MAGI2: variants seen among roughly 807,000 people sequenced by gnomAD.
MAGI2 encodes the protein membrane associated guanylate kinase, WW and PDZ domain containing 2.
A neutral mutation model predicts 133.3 loss-of-function variants in MAGI2; 35 were observed. The observed-to-expected ratio is 0.26, with a 90% CI of 0.20 to 0.35. The LOEUF (loss-of-function observed/expected upper bound fraction) is 0.35, where lower values mean the gene tolerates loss of function less well. MAGI2 is among the 10% of genes least tolerant of loss of function. The pLI is 1.00. For missense variants in MAGI2, 1,636 were observed against 1,863.4 expected (o/e 0.88, Z 2.25); for synonymous variants, 729 against 710.6 (o/e 1.03, Z -0.41).
At chr7:79,284,541 C>G (rs1341425232) in intron 1 of MAGI2, among the ~76,000 whole-genome samples, 1 of 152,042 alleles carries the variant, frequency 6.6e-6, no homozygotes, top group East Asian at 1.9e-4. Context: ...TTCTCTTTCT[C>G]TATTGAAAAA....
chr7:78,228,528 G>T (rs1177220748), intron 10 of MAGI2, among the ~76,000 whole-genome samples: 4 of 152,148 alleles, frequency 2.6e-5, no homozygotes, highest in African/African-American at 7.2e-5. Flanking sequence ...CATTTTACAA[G>T]ACTCACAACC....
intron 1 of MAGI2, among the ~76,000 whole-genome samples, chr7:79,136,525 CACT>C (rs1821590930): frequency 6.6e-6 from 1 of 152,180 alleles, no homozygotes; most frequent in Admixed American, 6.5e-5. Context: ...TCTTTTCAGA[CACT>C]AGTCAATGTG....
chr7:79,378,403 G>A (rs1017598036), intron 1 of MAGI2, among the ~76,000 whole-genome samples: 1 of 151,648 alleles, frequency 6.6e-6, no homozygotes, highest in Non-Finnish European at 1.5e-5. Context: ...GAGATACTGG[G>A]AGGACAGATG....
chr7:79,370,833 A>G (rs1375580572), intron 1 of MAGI2, among the ~76,000 whole-genome samples: 1 of 152,074 alleles, frequency 6.6e-6, no homozygotes. Flanking sequence ...TAACAGAAAC[A>G]CGGCACTCCC....
intron 1 of MAGI2, among the ~76,000 whole-genome samples, chr7:79,253,978 C>T (rs552939626): frequency 1.2e-3 from 138 of 110,850 alleles, no homozygotes; most frequent in African/African-American, 3.6e-3. Context: ...GCTAAATTGC[C>T]CTTCAAAACA....
intron 2 of MAGI2, among the ~76,000 whole-genome samples, chr7:78,634,791 A>G (rs1433857258): frequency 6.6e-6 from 1 of 152,180 alleles, no homozygotes; most frequent in African/African-American, 2.4e-5. Context: ...AAAAGAGGGA[A>G]TATAGATGAT....
At position 79,171,770 on chromosome 7, in the gene MAGI2, A is replaced by ATTTTT. The variant is rs144599296; in HGVS notation, c.302-164569_302-164565dup. On this transcript the variant is annotated intron_variant, in intron 1 of 21. Transcript: ENST00000354212. ...TATATATATATATATATATATATATATTTTTTTTTTTTTTTTCTTTTAAAG... is the reference window on the plus strand; with the variant it reads ...TATATATATATATATATATATATATATTTTTTTTTTTTTTTTTTTTTCTTTTAAAG... Among the ~76,000 whole-genome samples, 88 of 31,224 alleles carry ATTTTT rather than the reference A, an allele frequency of 2.8e-3. 10 individuals carry two copies. Among genetic ancestry groups the ATTTTT allele is most frequent in the Non-Finnish European group, 7.1e-3 (64 of 9,008 alleles). The allele number at this position is 31,224 out of a possible 152,430, so 20.5% of individuals were successfully genotyped here. A position where few individuals can be genotyped will look rare whatever the true frequency, so the allele number is the denominator to read the frequency against.
chr7:78,442,542 G>A (rs1037026694), intron 6 of MAGI2, among the ~76,000 whole-genome samples: 1 of 152,152 alleles, frequency 6.6e-6, no homozygotes, highest in Non-Finnish European at 1.5e-5. Flanking sequence ...TTTCAGATTT[G>A]CATGGGAAAC....
intron 2 of MAGI2, among the ~76,000 whole-genome samples, chr7:78,983,923 A>C (rs767270077): frequency 1.3e-5 from 2 of 151,890 alleles, no homozygotes; most frequent in African/African-American, 2.4e-5. Flanking sequence ...TCCTATCTCC[A>C]GCCTGTACTC....
intron 1 of MAGI2, among the ~76,000 whole-genome samples, chr7:79,105,311 T>C (rs1818352983): frequency 2.0e-5 from 3 of 152,216 alleles, no homozygotes; most frequent in South Asian, 2.1e-4. Flanking sequence ...AACTGACTTA[T>C]GGAACTGTCT....
chr7:78,590,109 G>T (rs1285432033), intron 3 of MAGI2, among the ~76,000 whole-genome samples: 1 of 152,192 alleles, frequency 6.6e-6, no homozygotes, highest in African/African-American at 2.4e-5. Context: ...TTCTTTCTTA[G>T]GGAGAGGCAG....
intron 1 of MAGI2, among the ~76,000 whole-genome samples, chr7:79,082,554 C>T (rs1343210266): frequency 6.6e-6 from 1 of 152,030 alleles, no homozygotes; most frequent in African/African-American, 2.4e-5. Flanking sequence ...TATTTCTGGA[C>T]CCCAAATTCT....
intron 2 of MAGI2, among the ~76,000 whole-genome samples, chr7:78,673,752 T>A (rs1814676415): frequency 6.6e-6 from 1 of 152,104 alleles, no homozygotes; most frequent in Non-Finnish European, 1.5e-5. Flanking sequence ...GATCCAAATG[T>A]TAATCTCATC....
At chr7:79,376,544 G>A (rs897203672) in intron 1 of MAGI2, among the ~76,000 whole-genome samples, 25 of 151,832 alleles carry the variant, frequency 1.6e-4, no homozygotes, top group African/African-American at 5.6e-4. Context: ...TGAAGATGTC[G>A]ATGGTTGGAT....
chr7:78,438,431 A>C (rs1787270626), intron 6 of MAGI2, among the ~76,000 whole-genome samples: 1 of 152,182 alleles, frequency 6.6e-6, no homozygotes, highest in Non-Finnish European at 1.5e-5. Flanking sequence ...TGAATCTGGT[A>C]CGAGTTCCCT....
chr7:78,543,552 T>A (rs2150676655), intron 3 of MAGI2, among the ~76,000 whole-genome samples: 1 of 152,330 alleles, frequency 6.6e-6, no homozygotes, highest in East Asian at 1.9e-4. Flanking sequence ...CGAATCAGAC[T>A]CTCTCCATAG....
intron 4 of MAGI2, among the ~76,000 whole-genome samples, chr7:78,514,109 A>C (rs1188544214): frequency 2.0e-5 from 3 of 149,876 alleles, no homozygotes; most frequent in Non-Finnish European, 4.4e-5. Flanking sequence ...AAAAAAAAAA[A>C]AAAAGGACTA....
chr7:78,153,700 T>G (rs1824112214), intron 16 of MAGI2, among the ~76,000 whole-genome samples: 1 of 152,198 alleles, frequency 6.6e-6, no homozygotes, highest in African/African-American at 2.4e-5. Flanking sequence ...GATCTAGGCC[T>G]CAAACTTACC....
chr7:78,083,255 C>T (rs1563098387), intron 20 of MAGI2, among the ~76,000 whole-genome samples: 1 of 151,082 alleles, frequency 6.6e-6, no homozygotes, highest in African/African-American at 2.4e-5. Flanking sequence ...TTCAACTGAG[C>T]TATGTTACTA....
Sources: allele counts gnomAD v4.1 joint callset (sites outside exome capture counted in the v4.1 genomes callset), GRCh38; gene constraint gnomAD v4.1.1; transcripts MANE v1.5; gene names NCBI Gene and HGNC (gene_info 2026-07-23, HGNC 2026-07-21).